The following KCNIP4 variants were observed in gnomAD, a reference collection of about 807,000 sequenced individuals.
KCNIP4 encodes the protein Kv channel-interacting protein 4.
Under a neutral mutation model 34.0 loss-of-function variants are expected in KCNIP4, and 12 were observed. The observed-to-expected ratio is 0.35, with a 90% CI of 0.23 to 0.57. KCNIP4 has a LOEUF of 0.57. Ranked by LOEUF, KCNIP4 falls within the 20% of genes least tolerant of loss-of-function variation. The pLI is 0.83. For missense variants in KCNIP4, 238 were observed against 311.7 expected (o/e 0.76, Z 1.78); for synonymous variants, 124 against 102.2 (o/e 1.21, Z -1.29).
chr4:21,523,034 TA>T (rs368418389), intron 1 of KCNIP4, among the ~76,000 whole-genome samples: 1,846 of 149,754 alleles, frequency 0.012, 36 homozygotes, highest in African/African-American at 0.042. Context: ...GTGCCCTTAT[TA>T]AAAAAAAAGG....
At chr4:21,267,356 T>TA (rs5856618) in intron 1 of KCNIP4, among the ~76,000 whole-genome samples, 23,025 of 144,202 alleles carry the variant, frequency 0.16, 2,058 homozygotes, top group African/African-American at 0.26. Context: ...AAAGGTAGAT[T>TA]AAAAAAAAAA....
At chr4:21,296,505 T>C (rs1763849124) in intron 1 of KCNIP4, among the ~76,000 whole-genome samples, 1 of 151,154 alleles carries the variant, frequency 6.6e-6, no homozygotes, top group African/African-American at 2.4e-5. Flanking sequence ...CATATAGAAA[T>C]ACCAACTATA....
intron 1 of KCNIP4, among the ~76,000 whole-genome samples, chr4:21,423,979 T>C (rs1191532361): frequency 1.3e-5 from 2 of 150,858 alleles, no homozygotes; most frequent in Non-Finnish European, 3.0e-5. Flanking sequence ...GGCCAATTTT[T>C]TTTTTTTCTT....
At chr4:20,794,923 C>T (rs1019239647) in intron 3 of KCNIP4, among the ~76,000 whole-genome samples, 4 of 152,094 alleles carry the variant, frequency 2.6e-5, no homozygotes, top group Non-Finnish European at 4.4e-5. Flanking sequence ...AATTCTGCCA[C>T]AAAGATTAAG....
At chr4:21,770,940 A>C (rs1264454721) in intron 1 of KCNIP4, among the ~76,000 whole-genome samples, 1 of 152,060 alleles carries the variant, frequency 6.6e-6, no homozygotes, top group Non-Finnish European at 1.5e-5. Flanking sequence ...GAAGCTCTTT[A>C]GTTTAATTAG....
intron 7 of KCNIP4, 38 bp from the exon 8 acceptor site, chr4:20,732,106 T>G: frequency 7.1e-7 from 1 of 1,403,082 alleles, no homozygotes; most frequent in Non-Finnish European, 1.0e-6. Context: ...TTTAGACTTA[T>G]CCCTTAATAC....
At chr4:21,665,721 C>A (rs1748818155) in intron 1 of KCNIP4, among the ~76,000 whole-genome samples, 1 of 152,100 alleles carries the variant, frequency 6.6e-6, no homozygotes, top group African/African-American at 2.4e-5. Flanking sequence ...AACAAGATAG[C>A]ATATCATAAG....
chr4:20,759,800 C>T (rs2149360013), intron 3 of KCNIP4, among the ~76,000 whole-genome samples: 1 of 152,198 alleles, frequency 6.6e-6, no homozygotes, highest in Non-Finnish European at 1.5e-5. Context: ...GGCGTAGAGG[C>T]CCCTTGAGTG....
intron 1 of KCNIP4, among the ~76,000 whole-genome samples, chr4:21,149,326 T>A (rs1752599658): frequency 1.3e-5 from 2 of 152,178 alleles, no homozygotes; most frequent in African/African-American, 4.8e-5. Flanking sequence ...AAACTCTCTG[T>A]TTTCAATAGC....
chr4:21,944,272 G>A lies in KCNIP4; in HGVS notation c.61+4299C>T, dbSNP rs369632421. Among the ~76,000 whole-genome samples the A allele has an allele frequency of 3.1e-4, 47 of 152,060 alleles. No homozygotes were observed. The South Asian group carries it at 7.7e-3, about 25-fold the overall frequency. ...CATAAAAGGAGATCTGGCTGGGCGC[G>A]GTAGCTCACGCCTGTAATCCTAGCA... On this transcript the variant is annotated intron_variant, in intron 1 of 8. Transcript: ENST00000382152.
intron 1 of KCNIP4, among the ~76,000 whole-genome samples, chr4:21,630,104 T>C (rs1016301048): frequency 6.6e-6 from 1 of 150,720 alleles, no homozygotes; most frequent in Non-Finnish European, 1.5e-5. Context: ...GCTCAAGTGA[T>C]CCTTCCACCT....
rs576407700 is a variant in KCNIP4 at position 21,156,692 on chromosome 4, T to C, written c.62-273983A>G. 3.9e-5 allele frequency among the ~76,000 whole-genome samples: 6 copies of C among 152,240 alleles called. No individual in the cohort carries two copies. The South Asian group carries it at 1.2e-3, about 32-fold the overall frequency. On this transcript the variant is annotated intron_variant, in intron 1 of 8. Transcript: ENST00000382152. ...ATAGAGCTGTGATTAGCATTTGAAA[T>C]ATTCAATTTCAGAGCCCATGTTCTT... is the stretch of plus-strand genomic sequence containing the variant.
In KCNIP4 at chr4:21,761,543, T is replaced by C. The variant is rs191297185; in HGVS notation, c.61+187028A>G. The stretch of plus-strand genomic sequence containing the variant: ...CTTTTTTTTACAACCATCTTATAAC[T>C]AAATTTAAAACATACAATTCTTATG... On this transcript the variant is annotated intron_variant, in intron 1 of 8. Transcript: ENST00000382152. Among the ~76,000 whole-genome samples, 52 of 152,046 alleles carry C rather than the reference T, an allele frequency of 3.4e-4. No homozygotes were observed. In the East Asian group the frequency reaches 9.1e-3, roughly 27 times the overall value.
At chr4:21,153,026 T>A (rs533682485) in intron 1 of KCNIP4, among the ~76,000 whole-genome samples, 2 of 152,202 alleles carry the variant, frequency 1.3e-5, no homozygotes, top group Admixed American at 6.5e-5. Context: ...TGAATGGTCA[T>A]CATTGATTCA....
chr4:21,599,217 A>G (rs1208706103), intron 1 of KCNIP4, among the ~76,000 whole-genome samples: 3 of 152,058 alleles, frequency 2.0e-5, no homozygotes, highest in Non-Finnish European at 2.9e-5. Flanking sequence ...CAAATAATAC[A>G]TTTTGAATAT....
intron 1 of KCNIP4, among the ~76,000 whole-genome samples, chr4:21,227,655 C>G (rs552135794): frequency 8.2e-4 from 123 of 150,514 alleles, no homozygotes; most frequent in Non-Finnish European, 1.5e-3. Context: ...CCTAAAACTG[C>G]TCTCTCCGCA....
At chr4:21,521,205 A>T (rs797019230) in intron 1 of KCNIP4, among the ~76,000 whole-genome samples, 6 of 152,292 alleles carry the variant, frequency 3.9e-5, no homozygotes, top group African/African-American at 1.4e-4. Context: ...AACAGAACAG[A>T]TACACTTTTC....
chr4:21,745,394 G>T (rs1716702938), intron 1 of KCNIP4, among the ~76,000 whole-genome samples: 1 of 152,114 alleles, frequency 6.6e-6, no homozygotes, highest in Non-Finnish European at 1.5e-5. Flanking sequence ...TTATGAAATA[G>T]AAGATTTGTT....
intron 1 of KCNIP4, among the ~76,000 whole-genome samples, chr4:20,950,866 C>A (rs1732711148): frequency 6.6e-6 from 1 of 152,090 alleles, no homozygotes; most frequent in Non-Finnish European, 1.5e-5. Context: ...TTTTTGCTTA[C>A]CTTTTTTTCT....
Sources: allele counts gnomAD v4.1 joint callset (sites outside exome capture counted in the v4.1 genomes callset), GRCh38; gene constraint gnomAD v4.1.1; transcripts MANE v1.5; gene names NCBI Gene and HGNC (gene_info 2026-07-23, HGNC 2026-07-21).